The following S100PBP variants were observed in gnomAD, a reference collection of about 807,000 sequenced individuals.
S100PBP encodes S100P binding protein.
S100PBP carries 15 observed loss-of-function variants against 39.9 expected under a neutral mutation model. The ratio of observed to expected loss-of-function variants is 0.38; its 90% CI spans 0.25 to 0.58. S100PBP has a LOEUF of 0.58. S100PBP is among the 20% of genes least tolerant of loss of function. The pLI, the probability that S100PBP is intolerant of heterozygous loss-of-function variation, is 0.70. For missense variants in S100PBP, 504 were observed against 487.3 expected (o/e 1.03, Z -0.32); for synonymous variants, 178 against 180.3 (o/e 0.99, Z 0.10).
At chr1:32,845,362 G>A (rs1247978506) in intron 5 of S100PBP, among the ~76,000 whole-genome samples, 1 of 152,024 alleles carries the variant, frequency 6.6e-6, no homozygotes. Context: ...AGGAACCCTT[G>A]AACCCAGGAG....
intron 1 of S100PBP, among the ~76,000 whole-genome samples, chr1:32,819,419 T>C (rs528479190): frequency 1.3e-5 from 2 of 152,064 alleles, no homozygotes; most frequent in Admixed American, 6.5e-5. Context: ...AATACAAAAA[T>C]TAGCCTAGCA....
In S100PBP at chr1:32,848,742, A is replaced by C. The variant is rs535590797; in HGVS notation, c.1025-4337A>C. Among the ~76,000 whole-genome samples, 8 of 152,358 alleles carry C rather than the reference A, an allele frequency of 5.3e-5. No individual in the cohort carries two copies. In the East Asian group the frequency reaches 1.3e-3, roughly 26 times the overall value. On this transcript the variant is annotated intron_variant, in intron 5 of 6. Coordinates refer to ENST00000373475, the MANE Select transcript of S100PBP (RefSeq NM_022753.4). ...AAATTGATTCACTTTAAACTTACTA[A>C]GAACAGTTATTAAACTGGATGTTTC...
chr1:32,817,114 C>G (rs1049887717), upstream of S100PBP: 2 of 1,585,178 alleles, frequency 1.3e-6, no homozygotes, highest in Non-Finnish European at 1.7e-6. Flanking sequence ...CTTAGAACCC[C>G]GTAATGGGGC....
At chr1:32,850,375 G>A (rs1476698904) in intron 5 of S100PBP, among the ~76,000 whole-genome samples, 2 of 152,156 alleles carry the variant, frequency 1.3e-5, no homozygotes, top group African/African-American at 2.4e-5. Flanking sequence ...GTGACCACAG[G>A]GAGTGGAGTG....
intron 1 of S100PBP, among the ~76,000 whole-genome samples, chr1:32,822,957 A>T (rs1639152779): frequency 6.6e-6 from 1 of 152,182 alleles, no homozygotes; most frequent in Non-Finnish European, 1.5e-5. Flanking sequence ...AGAAGGCCTG[A>T]GTTTGGATTC....
At chr1:32,841,097 C>T (rs1370166527) in intron 5 of S100PBP, among the ~76,000 whole-genome samples, 2 of 150,270 alleles carry the variant, frequency 1.3e-5, no homozygotes, top group Non-Finnish European at 3.0e-5. Flanking sequence ...GGAGACGGAG[C>T]TTGCAGTGAA....
chr1:32,827,553 G>A (rs569108468), intron 3 of S100PBP, among the ~76,000 whole-genome samples: 15 of 151,946 alleles, frequency 9.9e-5, no homozygotes, highest in African/African-American at 3.1e-4. Context: ...GCACGATCTC[G>A]GCTCACTGCA....
At chr1:32,846,536 T>G (rs1413092922) in intron 5 of S100PBP, among the ~76,000 whole-genome samples, 1 of 152,058 alleles carries the variant, frequency 6.6e-6, no homozygotes, top group Non-Finnish European at 1.5e-5. Flanking sequence ...TGTAGTATTT[T>G]TTAGTATTCC....
At chr1:32,841,436 A>T (rs1236266197) in intron 5 of S100PBP, among the ~76,000 whole-genome samples, 3 of 151,966 alleles carry the variant, frequency 2.0e-5, no homozygotes, top group Non-Finnish European at 2.9e-5. Context: ...TCAGGTTTTT[A>T]AAAATTTTAT....
intron 1 of S100PBP, among the ~76,000 whole-genome samples, chr1:32,819,432 G>A (rs1569812126): frequency 1.3e-5 from 2 of 152,286 alleles, no homozygotes; most frequent in Admixed American, 1.3e-4. Context: ...GCCTAGCATG[G>A]TGGACGCCTG....
chr1:32,838,314 A>G (rs890330320), intron 5 of S100PBP, among the ~76,000 whole-genome samples: 12 of 149,696 alleles, frequency 8.0e-5, no homozygotes, highest in African/African-American at 2.9e-4. Flanking sequence ...GGCCTGGGCG[A>G]AAGAGCGAGA....
At chr1:32,817,095 C>T (rs932929544), upstream of S100PBP, 2 of 1,517,632 alleles carry the variant, frequency 1.3e-6, no homozygotes, top group Non-Finnish European at 1.8e-6. Context: ...GAGTCCCCGG[C>T]CCCACATACT....
chr1:32,826,789 CAGTG>C lies in S100PBP; in HGVS notation c.693_696del (p.Ser231ArgfsTer35). On this transcript the variant is annotated frameshift_variant, in exon 3 of 7. Coordinates refer to ENST00000373475, the MANE Select transcript of S100PBP (RefSeq NM_022753.4). LOFTEE classifies it high-confidence loss of function. ...CTGTCTCTGATAAAAATATGCCTGA[CAGTG>C]AGAACCCTACGTCTGTATTCTCTCG... 1.9e-6 allele frequency: 3 copies of C among 1,614,106 alleles called. No individual in the cohort carries two copies. Among genetic ancestry groups the C allele is most frequent in the Non-Finnish European group, 1.7e-6 (2 of 1,179,982 alleles).
chr1:32,822,143 A>G (rs1239599795), intron 1 of S100PBP, among the ~76,000 whole-genome samples: 16 of 152,180 alleles, frequency 1.1e-4, no homozygotes, highest in Non-Finnish European at 1.5e-4. Flanking sequence ...TACAGATGAA[A>G]TGATACAATG....
At chr1:32,823,749 T>C (rs1278573421) in intron 1 of S100PBP, among the ~76,000 whole-genome samples, 3 of 152,326 alleles carry the variant, frequency 2.0e-5, no homozygotes, top group Middle Eastern at 3.4e-3. Context: ...TAATTTTCAG[T>C]GTTGTTTCTC....
chr1:32,817,209 G>A (rs1638772974), upstream of S100PBP: 1 of 1,614,216 alleles, frequency 6.2e-7, no homozygotes, highest in Non-Finnish European at 8.5e-7. Context: ...GGGTGATAAG[G>A]TGCAGTTTCT....
intron 5 of S100PBP, among the ~76,000 whole-genome samples, chr1:32,831,802 T>A (rs1639612175): frequency 6.6e-6 from 1 of 152,210 alleles, no homozygotes; most frequent in Non-Finnish European, 1.5e-5. Flanking sequence ...CTTTTCCCTC[T>A]GTGAGCTGAC....
At chr1:32,836,134 CTTT>C (rs781749587) in intron 5 of S100PBP, 6 of 137,438 alleles carry the variant, frequency 4.4e-5, no homozygotes, top group African/African-American at 5.3e-5. Context: ...TTTTTTTGTG[CTTT>C]TTTTTTTTTT....
intron 4 of S100PBP, 49 bp downstream of exon 4, chr1:32,828,130 AT>A (rs1279490578): frequency 7.5e-7 from 1 of 1,333,948 alleles, no homozygotes; most frequent in Non-Finnish European, 1.1e-6. Flanking sequence ...GTTCTCTTCA[AT>A]TTCTTTCTTC....
Sources: gnomAD v4.1 joint callset for allele counts (sites outside exome capture counted in the v4.1 genomes callset) on GRCh38, gnomAD v4.1.1 for gene constraint, MANE v1.5 for transcripts, NCBI Gene and HGNC (gene_info 2026-07-23, HGNC 2026-07-21) for gene names.